The following ERMAP variants were observed in gnomAD, a reference collection of about 807,000 sequenced individuals.
ERMAP encodes erythroid membrane-associated protein.
ERMAP carries 34 observed loss-of-function variants against 49.5 expected under a neutral mutation model. The ratio of observed to expected loss-of-function variants is 0.69; its 90% CI spans 0.52 to 0.91. The LOEUF is 0.91. ERMAP is among the 40% of genes least tolerant of loss of function. The pLI is 0.00. For synonymous variants in ERMAP, 214 were observed against 232.2 expected (o/e 0.92, Z 0.71); for missense variants, 541 against 582.6 (o/e 0.93, Z 0.74).
chr1:42,821,683 T>G (rs1654408278), intron 1 of ERMAP, among the ~76,000 whole-genome samples: 1 of 152,184 alleles, frequency 6.6e-6, no homozygotes, highest in African/African-American at 2.4e-5. Flanking sequence ...AGCTTCAGTT[T>G]ATATGAGTTA....
At chr1:42,838,592 T>C (rs1221231555) in intron 7 of ERMAP, among the ~76,000 whole-genome samples, 1 of 152,212 alleles carries the variant, frequency 6.6e-6, no homozygotes, top group Non-Finnish European at 1.5e-5. Flanking sequence ...CAGCAGTGCA[T>C]ACACTCATGT....
intron 8 of ERMAP, chr1:42,839,494 C>T (rs1348620210): frequency 5.9e-6 from 1 of 168,680 alleles, no homozygotes; most frequent in Non-Finnish European, 1.3e-5. Context: ...CCTGTAATCC[C>T]AGTTACTTGG....
At chr1:42,842,067 T>G (rs1409417962) in intron 11 of ERMAP, 1 of 161,102 alleles carries the variant, frequency 6.2e-6, no homozygotes, top group African/African-American at 2.4e-5. Flanking sequence ...GGAGACAAAG[T>G]GCCCTGACCT....
At position 42,817,204 on chromosome 1, in the gene ERMAP, C is replaced by T. The variant is rs1276708801; in HGVS notation, c.-171C>T. ...GGAGTCTGTACCTTTCCCGACCGGG[C>T]CACTGGAAGTTGGAGCCTCCGCCGA... On this transcript the variant is annotated 5_prime_UTR_variant, in exon 1 of 12. Coordinates refer to ENST00000372517, the MANE Select transcript of ERMAP (RefSeq NM_001017922.2). 29 of 1,255,738 alleles carry T rather than the reference C, an allele frequency of 2.3e-5. No individual in the cohort carries two copies. The highest frequency in any genetic ancestry group is 2.8e-5 in the Non-Finnish European group (27 of 973,894). The allele number at this position is 1,255,738 out of a possible 1,614,324, so 77.8% of individuals were successfully genotyped here.
rs1655015354 is a variant in ERMAP, at chr1:42,840,179, G to A, written c.685+1G>A. 6.2e-7 allele frequency: 1 copy of A among 1,614,140 alleles called. No individual in the cohort carries two copies. Among genetic ancestry groups the A allele is most frequent in the Non-Finnish European group, 8.5e-7 (1 of 1,180,014 alleles). On this transcript the variant is annotated splice_donor_variant, in intron 10 of 11. Coordinates refer to ENST00000372517, the MANE Select transcript of ERMAP (RefSeq NM_001017922.2). LOFTEE classifies it high-confidence loss of function. ...TTGAAAAGAGCTGCAGCAAACTCAG[G>A]TGAGATGCACTTTCTCCACATTTGA...
intron 1 of ERMAP, chr1:42,824,334 C>G (rs1413765628): frequency 6.9e-6 from 1 of 145,150 alleles, no homozygotes; most frequent in East Asian, 2.0e-4. Context: ...GGCGACGGAG[C>G]GAGACTCTGT....
rs1193247010 is a variant in ERMAP at position 42,819,310 on chromosome 1, A to T, written c.-122+2057A>T. Among the ~76,000 whole-genome samples, 1 of 152,150 alleles carries T rather than the reference A, an allele frequency of 6.6e-6. No individual in the cohort carries two copies. The highest frequency in any genetic ancestry group is 1.5e-5 in the Non-Finnish European group (1 of 68,034). Reference sequence around the variant, plus strand: ...CAGTGAGCAATTAGAAGATTTCAGAAAAGAACGGAACTGGAGATACCAGTT... The same window carrying T: ...CAGTGAGCAATTAGAAGATTTCAGATAAGAACGGAACTGGAGATACCAGTT... On this transcript the variant is annotated intron_variant, in intron 1 of 11. Coordinates refer to ENST00000372517, the MANE Select transcript of ERMAP (RefSeq NM_001017922.2). The surrounding 1 kb of genome is among the most constrained non-coding windows in gnomAD (Gnocchi z 5.1).
Position 42,844,315 on chromosome 1 carries a change from A to G in ERMAP, c.*1083A>G, listed in dbSNP as rs893248894. 3.8e-5 allele frequency: 15 copies of G among 392,800 alleles called. No homozygotes were observed. Among genetic ancestry groups the G allele is most frequent in the Admixed American group, 8.9e-5 (2 of 22,550 alleles). The allele number at this position is 392,800 out of a possible 1,614,324, so 24.3% of individuals were successfully genotyped here. A position where few individuals can be genotyped will look rare whatever the true frequency, so the allele number is the denominator to read the frequency against. On this transcript the variant is annotated 3_prime_UTR_variant, in exon 12 of 12. Transcript: ENST00000372517. The surrounding 1 kb of genome is among the most constrained non-coding windows in gnomAD (Gnocchi z 4.0). The stretch of plus-strand genomic sequence containing the variant: ...TCGTCGCTTTCAAGTCACATCATAT[A>G]TGCGATCTGGCCTAACCATGGAGAT...
At chr1:42,827,735 G>A (rs894510260) in intron 2 of ERMAP, among the ~76,000 whole-genome samples, 2 of 152,162 alleles carry the variant, frequency 1.3e-5, no homozygotes, top group African/African-American at 4.8e-5. Flanking sequence ...TAATCACTCA[G>A]TAAAGTGTGG....
intron 4 of ERMAP, among the ~76,000 whole-genome samples, chr1:42,833,714 C>T (rs140248796): frequency 6.6e-6 from 1 of 152,066 alleles, no homozygotes; most frequent in African/African-American, 2.4e-5. Flanking sequence ...AAACCTTTTA[C>T]TTATTTTTTC....
At chr1:42,823,328 C>T (rs927196987) in intron 1 of ERMAP, among the ~76,000 whole-genome samples, 2 of 152,230 alleles carry the variant, frequency 1.3e-5, no homozygotes, top group Non-Finnish European at 2.9e-5. Flanking sequence ...CTGAGTTTTA[C>T]AGATCTTCTA....
intron 4 of ERMAP, among the ~76,000 whole-genome samples, chr1:42,832,917 G>A (rs1421660110): frequency 1.3e-5 from 2 of 152,250 alleles, no homozygotes; most frequent in African/African-American, 4.8e-5. Flanking sequence ...CTGCTGGTGT[G>A]CAGATAGGTG....
chr1:42,842,401 C>A, intron 11 of ERMAP, 116 bp from the exon 12 acceptor site: 1 of 879,116 alleles, frequency 1.1e-6, no homozygotes, highest in East Asian at 2.6e-5. Flanking sequence ...AATCCATGAA[C>A]TAAAATGGGC....
chr1:42,838,842 T>C lies in ERMAP; in HGVS notation c.617-59T>C, dbSNP rs561736272. 3.6e-4 allele frequency: 573 copies of C among 1,609,720 alleles called. 11 individuals are homozygous for C. The South Asian group carries it at 5.9e-3, about 16-fold the overall frequency. Reference sequence around the variant, plus strand: ...GTTGGAGTGATGAGGCTGCCACAGCTCTGAGGAAAAAGAGGCAGGATCTGA... The same window carrying C: ...GTTGGAGTGATGAGGCTGCCACAGCCCTGAGGAAAAAGAGGCAGGATCTGA... On this transcript the variant is annotated intron_variant, in intron 7 of 11. Transcript: ENST00000372517.
At chr1:42,818,302 G>A (rs2124267979) in intron 1 of ERMAP, among the ~76,000 whole-genome samples, 1 of 152,292 alleles carries the variant, frequency 6.6e-6, no homozygotes, top group East Asian at 1.9e-4. Context: ...AATACTGCAT[G>A]TTTCCATTCA....
chr1:42,822,205 A>G (rs1326998634), intron 1 of ERMAP, among the ~76,000 whole-genome samples: 2 of 150,468 alleles, frequency 1.3e-5, no homozygotes, highest in African/African-American at 4.9e-5. Flanking sequence ...TTTTTTTAAG[A>G]TGGAGTCTCA....
In ERMAP at chr1:42,819,447, TTGTC is replaced by T. The variant is rs1654350560; in HGVS notation, c.-122+2200_-122+2203del. 6.6e-6 allele frequency among the ~76,000 whole-genome samples: 1 copy of T among 152,096 alleles called. No homozygotes were observed. Among genetic ancestry groups the T allele is most frequent in the Non-Finnish European group, 1.5e-5 (1 of 68,022 alleles). On this transcript the variant is annotated intron_variant, in intron 1 of 11. Coordinates refer to ENST00000372517, the MANE Select transcript of ERMAP (RefSeq NM_001017922.2). The surrounding 1 kb of genome is among the most constrained non-coding windows in gnomAD (Gnocchi z 5.1). ...TCTATTCTTTCCATGAGTTTATGCT[TTGTC>T]TGTCTCTTTTGTGTCTACCAGTGGA...
intron 4 of ERMAP, among the ~76,000 whole-genome samples, chr1:42,832,093 T>G (rs1462093910): frequency 6.6e-6 from 1 of 151,806 alleles, no homozygotes; most frequent in Non-Finnish European, 1.5e-5. Context: ...TCACACACCA[T>G]GAAGTGGGGA....
Position 42,840,479 on chromosome 1 carries a change from T to G in ERMAP, c.712+183T>G, listed in dbSNP as rs1655027078. On this transcript the variant is annotated intron_variant, in intron 11 of 11. Coordinates refer to ENST00000372517, the MANE Select transcript of ERMAP (RefSeq NM_001017922.2). ...ATCGATCTTGAGGTCATATTTAGAT[T>G]TAGAAAGTATCCCCTCTTTTAGAGC... Among the ~76,000 whole-genome samples, 3 of 152,234 alleles carry G rather than the reference T, an allele frequency of 2.0e-5. No homozygotes were observed. The South Asian group carries it at 6.2e-4, about 32-fold the overall frequency.
Sources: gnomAD v4.1 joint callset for allele counts (sites outside exome capture counted in the v4.1 genomes callset) on GRCh38, gnomAD v4.1.1 for gene constraint, Gnocchi (gnomAD v3.1) non-coding constraint, MANE v1.5 for transcripts, NCBI Gene and HGNC (gene_info 2026-07-23, HGNC 2026-07-21) for gene names.